GRID2: variants seen among roughly 807,000 people sequenced by gnomAD.
GRID2 encodes the protein glutamate ionotropic receptor delta type subunit 2, also known as glutamate receptor ionotropic, delta-2.
A neutral mutation model predicts 114.8 loss-of-function variants in GRID2; 33 were observed. The observed-to-expected ratio is 0.29, with a 90% CI of 0.22 to 0.38. The LOEUF (loss-of-function observed/expected upper bound fraction) is 0.38. Among genes scored for constraint, GRID2 ranks in the 10% least tolerant of loss-of-function variants. GRID2 has a pLI of 1.00. For synonymous variants in GRID2, 505 were observed against 449.9 expected (o/e 1.12, Z -1.55); for missense variants, 1,184 against 1,257.7 (o/e 0.94, Z 0.89).
intron 2 of GRID2, among the ~76,000 whole-genome samples, chr4:92,930,107 TGAG>T (rs1408888931): frequency 6.6e-6 from 1 of 151,370 alleles, no homozygotes; most frequent in East Asian, 1.9e-4. Flanking sequence ...TTTTCGTAAA[TGAG>T]GATACCGGAA....
chr4:93,525,367 C>T (rs1730780881), intron 13 of GRID2, among the ~76,000 whole-genome samples: 1 of 152,056 alleles, frequency 6.6e-6, no homozygotes, highest in Non-Finnish European at 1.5e-5. Flanking sequence ...AAAAGCAATT[C>T]CAGTTAGAAG....
At chr4:92,335,058 C>T (rs1560573098) in intron 1 of GRID2, among the ~76,000 whole-genome samples, 2 of 152,236 alleles carry the variant, frequency 1.3e-5, no homozygotes, top group Non-Finnish European at 2.9e-5. Flanking sequence ...TAAATCTCAG[C>T]TTCATGACCT....
intron 11 of GRID2, among the ~76,000 whole-genome samples, chr4:93,471,182 A>G (rs1724765092): frequency 1.3e-5 from 2 of 152,132 alleles, no homozygotes; most frequent in Non-Finnish European, 1.5e-5. Flanking sequence ...CACGGATAAA[A>G]CTTTGTTATT....
chr4:92,527,514 C>A (rs1230581404), intron 1 of GRID2, among the ~76,000 whole-genome samples: 1 of 151,994 alleles, frequency 6.6e-6, no homozygotes, highest in African/African-American at 2.4e-5. Flanking sequence ...TACAGTATTA[C>A]AAATTATAAT....
At chr4:92,442,136 G>A (rs993878529) in intron 1 of GRID2, among the ~76,000 whole-genome samples, 3 of 150,886 alleles carry the variant, frequency 2.0e-5, no homozygotes, top group African/African-American at 7.3e-5. Context: ...GATTAAGAAG[G>A]GGACGGGCTT....
intron 2 of GRID2, among the ~76,000 whole-genome samples, chr4:93,031,793 C>T (rs1208117263): frequency 1.3e-5 from 2 of 151,258 alleles, no homozygotes; most frequent in Admixed American, 1.3e-4. Flanking sequence ...TCTTTATTAG[C>T]AGTGTGAGAA....
chr4:93,430,149 A>G (rs1769263180), intron 10 of GRID2, among the ~76,000 whole-genome samples: 1 of 151,938 alleles, frequency 6.6e-6, no homozygotes, highest in Non-Finnish European at 1.5e-5. Context: ...GCATATATTT[A>G]CCGGGAGGCT....
Position 92,902,856 on chromosome 4 carries a change from T to C in GRID2, c.245-182139T>C, listed in dbSNP as rs536986650. Among the ~76,000 whole-genome samples the C allele has an allele frequency of 2.0e-5, 3 of 152,086 alleles. No homozygotes were observed. The South Asian group carries it at 6.2e-4, about 31-fold the overall frequency. ...TTCTAGTGATCTATATTTTGATTTTTATCTAGTGACAAAAATCTATGTGTT... is the reference window on the plus strand; with the variant it reads ...TTCTAGTGATCTATATTTTGATTTTCATCTAGTGACAAAAATCTATGTGTT... On this transcript the variant is annotated intron_variant, in intron 2 of 15. Transcript: ENST00000282020.
chr4:93,618,979 A>G (rs1741963152), intron 13 of GRID2, among the ~76,000 whole-genome samples: 1 of 152,230 alleles, frequency 6.6e-6, no homozygotes, highest in South Asian at 2.1e-4. Context: ...AATCTCCAAA[A>G]GAACAGGCAA....
chr4:93,731,220 G>A (rs1236360929), intron 14 of GRID2, among the ~76,000 whole-genome samples: 1 of 152,132 alleles, frequency 6.6e-6, no homozygotes, highest in Non-Finnish European at 1.5e-5. Flanking sequence ...AGGCGCAGGG[G>A]CACCACTGAG....
intron 1 of GRID2, among the ~76,000 whole-genome samples, chr4:92,583,838 A>G (rs1728295060): frequency 6.7e-6 from 1 of 150,268 alleles, no homozygotes; most frequent in Non-Finnish European, 1.5e-5. Flanking sequence ...TAATATAAAT[A>G]TATAAACATG....
chr4:93,717,381 T>C (rs1728988384), intron 14 of GRID2, among the ~76,000 whole-genome samples: 1 of 151,470 alleles, frequency 6.6e-6, no homozygotes, highest in African/African-American at 2.4e-5. Flanking sequence ...ACTTTCTCCC[T>C]GATGCCTGTA....
chr4:93,612,221 G>T (rs1741012812), intron 13 of GRID2, among the ~76,000 whole-genome samples: 1 of 148,752 alleles, frequency 6.7e-6, no homozygotes, highest in South Asian at 2.2e-4. Flanking sequence ...ACGTGAGATG[G>T]GTTTCCTGAA....
At chr4:92,403,693 AAAATAAATAAATAAATAAATAAAT>A (rs58063095) in intron 1 of GRID2, among the ~76,000 whole-genome samples, 7 of 139,068 alleles carry the variant, frequency 5.0e-5, no homozygotes, top group Non-Finnish European at 9.3e-5. Flanking sequence ...CTCCATCTCA[AAAATAAATAAATAAATAAATAAAT>A]AAATAAATAA....
At chr4:92,755,503 A>T (rs1485069492) in intron 2 of GRID2, among the ~76,000 whole-genome samples, 1 of 152,174 alleles carries the variant, frequency 6.6e-6, no homozygotes, top group African/African-American at 2.4e-5. Flanking sequence ...GTAAGGAAAC[A>T]TCTCTTTGAA....
chr4:92,408,247 TGGTTTTAG>T (rs1731118425), intron 1 of GRID2, among the ~76,000 whole-genome samples: 1 of 151,942 alleles, frequency 6.6e-6, no homozygotes, highest in Non-Finnish European at 1.5e-5. Flanking sequence ...AAAGATCAGA[TGGTTTTAG>T]GTATGTGGGT....
chr4:92,881,285 C>A (rs1745992909), intron 2 of GRID2, among the ~76,000 whole-genome samples: 1 of 152,190 alleles, frequency 6.6e-6, no homozygotes, highest in African/African-American at 2.4e-5. Flanking sequence ...ACCTGAGTTA[C>A]TCAACCCTAA....
At chr4:92,739,111 T>G (rs1011723071) in intron 2 of GRID2, among the ~76,000 whole-genome samples, 1 of 152,202 alleles carries the variant, frequency 6.6e-6, no homozygotes, top group Non-Finnish European at 1.5e-5. Context: ...CTATTTATAG[T>G]CAGTATCATT....
At chr4:93,591,077 A>C (rs2149612944) in intron 13 of GRID2, among the ~76,000 whole-genome samples, 1 of 144,970 alleles carries the variant, frequency 6.9e-6, no homozygotes, top group East Asian at 2.1e-4. Flanking sequence ...CCCTGGCCAG[A>C]ACTTCCAACA....
Sources: allele counts gnomAD v4.1 joint callset (sites outside exome capture counted in the v4.1 genomes callset), GRCh38; gene constraint gnomAD v4.1.1; transcripts MANE v1.5; gene names NCBI Gene and HGNC (gene_info 2026-07-23, HGNC 2026-07-21).